Variants in PPP2R3B observed in about 807,000 individuals in gnomAD.
PPP2R3B encodes the protein serine/threonine-protein phosphatase 2A regulatory subunit B'' subunit beta.
PPP2R3B carries 68 observed loss-of-function variants against 72.9 expected under a neutral mutation model. The observed-to-expected ratio is 0.93, with a 90% confidence interval of 0.77 to 1.14. PPP2R3B has a LOEUF of 1.14. PPP2R3B is among the 50% of genes most tolerant of loss of function. The probability of loss-of-function intolerance (pLI) is 0.00; values close to 1 mark genes in which losing one functional copy is unlikely to be tolerated. For synonymous variants in PPP2R3B, 466 were observed against 375.8 expected (o/e 1.24, Z -2.78); for missense variants, 1,018 against 842.0 (o/e 1.21, Z -2.59).
chrX:339,043 G>C (rs1348000174), intron 10 of PPP2R3B, 147 bp from the exon 11 acceptor site: 3 of 739,396 alleles, frequency 4.1e-6, no homozygotes, highest in Non-Finnish European at 7.2e-6. Context: ...GTGAAAGGCG[G>C]ACACGCGAGT....
At chrX:354,210 G>GGGGGCTCACCCAGGGACC (rs2071394981) in intron 2 of PPP2R3B, among the ~76,000 whole-genome samples, 1 of 140,218 alleles carries the variant, frequency 7.1e-6, no homozygotes, top group Non-Finnish European at 1.6e-5. Flanking sequence ...CCCAGGGACC[G>GGGGGCTCACCCAGGGACC]GGGGCTCACC....
chrX:355,576 G>A (rs28521870), intron 2 of PPP2R3B, among the ~76,000 whole-genome samples: 2,735 of 152,234 alleles, frequency 0.018, 78 homozygotes, highest in African/African-American at 0.062. Context: ...GGAACTGCAC[G>A]CGCACACGGA....
intron 7 of PPP2R3B, among the ~76,000 whole-genome samples, chrX:343,039 G>C (rs755558461): frequency 7.2e-5 from 1 of 13,958 alleles, no homozygotes; most frequent in Admixed American, 4.6e-4. Context: ...TGAGACCTCA[G>C]CAACGGGAGG....
intron 7 of PPP2R3B, chrX:345,255 T>TCAGGACCAG (rs1396241319): frequency 1.5e-6 from 1 of 682,560 alleles, no homozygotes; most frequent in Admixed American, 2.0e-5. Context: ...GCCAGGAGCT[T>TCAGGACCAG]CAGGACCAGC....
intron 2 of PPP2R3B, among the ~76,000 whole-genome samples, chrX:353,913 G>A (rs1313425338): frequency 6.6e-6 from 1 of 151,052 alleles, no homozygotes; most frequent in African/African-American, 2.4e-5. Context: ...CCAAAGACTG[G>A]GGCTCGCCCA....
chrX:362,816 G>A (rs1281239087), intron 1 of PPP2R3B, among the ~76,000 whole-genome samples: 7 of 152,084 alleles, frequency 4.6e-5, no homozygotes, highest in African/African-American at 1.7e-4. Context: ...CTCACCCCAG[G>A]TCACAAGGGT....
Position 347,268 on chromosome X carries a change from T to C in PPP2R3B, c.683A>G (p.Tyr228Cys), listed in dbSNP as rs2071240565. The C allele has an allele frequency of 1.2e-6, 2 of 1,613,524 alleles. No homozygotes were observed. The highest frequency in any genetic ancestry group is 1.7e-5 in the Admixed American group (1 of 59,980). The part of the protein sequence containing the change: ...VHLLMSPGCN[Y>C]LVQEDFVPFL... ...GGGGACAAAGTCCTCCTGCACCAGG[T>C]AGTTGCAGCCGGGGCTCATGAGCAG... The change falls in exon 4 of 13, where the codon TAC becomes TGC. Residue 228 changes from tyrosine to cysteine, a missense_variant. Tyr to Cys is a radical substitution (Grantham distance 194). Transcript: ENST00000390665.
rs762234816 is a variant in PPP2R3B at position 347,631 on chromosome X, C to T, written c.573G>A (p.Thr191=). 12 of 1,576,534 alleles carry T rather than the reference C, an allele frequency of 7.6e-6. No individual in the cohort carries two copies. In the Admixed American group the frequency reaches 1.1e-4, roughly 14 times the overall value. Residue 191 remains threonine (T), a synonymous_variant, in exon 3 of 13, where the codon ACG becomes ACA. Coordinates refer to ENST00000390665, the MANE Select transcript of PPP2R3B (RefSeq NM_013239.5). The part of the protein sequence containing the change: ...PLFYGAGGER[T]GSVSVHKFVA... The stretch of plus-strand genomic sequence containing the variant: ...CGAACTTGTGGACGGACACGGAGCC[C>T]GTGCGCTCCCCGCCGGCGCCATAGA...
At chrX:353,860 G>T (rs1474425038) in intron 2 of PPP2R3B, among the ~76,000 whole-genome samples, 1 of 132,662 alleles carries the variant, frequency 7.5e-6, no homozygotes, top group African/African-American at 2.9e-5. Flanking sequence ...GGGACCGGGG[G>T]CTCACCCAAA....
rs187054378 is a variant in PPP2R3B at position 333,938 on chromosome X, C to T, written c.*429G>A. Reference sequence around the variant, plus strand: ...GCCGAGCCCGTGACTGAAAATCCTCCAAACGTACAAGCGTGATCGCCAGAA... The same window carrying T: ...GCCGAGCCCGTGACTGAAAATCCTCTAAACGTACAAGCGTGATCGCCAGAA... On this transcript the variant is annotated 3_prime_UTR_variant, in exon 13 of 13. Coordinates refer to ENST00000390665, the MANE Select transcript of PPP2R3B (RefSeq NM_013239.5). 1.8e-3 allele frequency: 279 copies of T among 158,350 alleles called. 2 individuals carry two copies. The highest frequency in any genetic ancestry group is 6.0e-3 in the African/African-American group (250 of 41,848). 9.8% of individuals were successfully genotyped at this position (158,350 alleles called of 1,614,324 possible).
At position 338,624 on chromosome X, in the gene PPP2R3B, C is replaced by T. The variant is rs771275002; in HGVS notation, c.1557G>A (p.Ala519=). 20 of 1,610,454 alleles carry T rather than the reference C, an allele frequency of 1.2e-5. 1 individual carries two copies. Among genetic ancestry groups the T allele is most frequent in the South Asian group, 3.3e-5 (3 of 90,864 alleles). ...CTCACCCGTCCTCCCAGGGCTCTCCCGCAGTCTCCTCGGCCACCAGGATGT... is the reference window on the plus strand; with the variant it reads ...CTCACCCGTCCTCCCAGGGCTCTCCTGCAGTCTCCTCGGCCACCAGGATGT... ...EYDILVAEET[A]GEPWEDGFEA... is the part of the protein sequence containing the mutation. Residue 519 remains alanine (A), a synonymous_variant, in exon 12 of 13, where the codon GCG becomes GCA. Transcript: ENST00000390665.
chrX:352,763 C>T (rs999441890), intron 2 of PPP2R3B, among the ~76,000 whole-genome samples: 10 of 151,826 alleles, frequency 6.6e-5, no homozygotes, highest in African/African-American at 7.2e-5. Flanking sequence ...GAAAGGAGGA[C>T]GCCACAACCA....
At chrX:344,750 G>C (rs1199325503) in intron 7 of PPP2R3B, 2 of 243,204 alleles carry the variant, frequency 8.2e-6, no homozygotes, top group South Asian at 1.0e-4. Flanking sequence ...GGAATGCTAC[G>C]TCTGCTCAGG....
intron 2 of PPP2R3B, among the ~76,000 whole-genome samples, chrX:355,860 G>A (rs2071424563): frequency 6.6e-6 from 1 of 152,238 alleles, no homozygotes; most frequent in South Asian, 2.1e-4. Context: ...CAGCGCACGT[G>A]CCCGCTCAAG....
intron 1 of PPP2R3B, 146 bp from the exon 2 acceptor site, chrX:361,736 G>A (rs1352738444): frequency 3.4e-6 from 3 of 871,314 alleles, no homozygotes; most frequent in Non-Finnish European, 5.4e-6. Flanking sequence ...AATCCCTGCG[G>A]GGGACCACAC....
intron 1 of PPP2R3B, among the ~76,000 whole-genome samples, chrX:366,836 C>G (rs765222673): frequency 7.1e-6 from 1 of 140,232 alleles, no homozygotes; most frequent in African/African-American, 2.8e-5. Flanking sequence ...GCACTCCAGC[C>G]TGGGCGACAG....
At chrX:364,715 C>G (rs1474297731) in intron 1 of PPP2R3B, among the ~76,000 whole-genome samples, 4 of 49,968 alleles carry the variant, frequency 8.0e-5, no homozygotes, top group African/African-American at 1.7e-4. Context: ...GAGACTCTGT[C>G]TCAAAACAAA....
intron 1 of PPP2R3B, among the ~76,000 whole-genome samples, chrX:378,910 G>A (rs912724267): frequency 5.3e-5 from 8 of 152,232 alleles, no homozygotes; most frequent in African/African-American, 9.6e-5. Context: ...GCTCCCGCAC[G>A]AAACCTTCAG....
intron 2 of PPP2R3B, among the ~76,000 whole-genome samples, chrX:350,098 C>T (rs1405183582): frequency 6.6e-6 from 1 of 152,240 alleles, no homozygotes; most frequent in African/African-American, 2.4e-5. Context: ...TGCCCGGTTT[C>T]AACCCTTCCT....
Sources: allele counts gnomAD v4.1 joint callset (sites outside exome capture counted in the v4.1 genomes callset), GRCh38; gene constraint gnomAD v4.1.1; transcripts MANE v1.5; gene names NCBI Gene and HGNC (gene_info 2026-07-23, HGNC 2026-07-21).